RAB31: variants seen among roughly 807,000 people sequenced by gnomAD.
The protein encoded by RAB31 is RAB31, member RAS oncogene family, also known as ras-related protein Rab-31.
A neutral mutation model predicts 25.6 loss-of-function variants in RAB31; 21 were observed. The ratio of observed to expected loss-of-function variants is 0.82; its 90% confidence interval spans 0.58 to 1.18. RAB31 has a LOEUF of 1.18. RAB31 is among the 50% of genes most tolerant of loss of function. The pLI, the probability that RAB31 is intolerant of heterozygous loss-of-function variation, is 0.00. For synonymous variants in RAB31, 87 were observed against 84.0 expected (o/e 1.04, Z -0.20); for missense variants, 196 against 250.1 (o/e 0.78, Z 1.46).
chr18:9,855,022 C>T (rs1163182744), intron 6 of RAB31, among the ~76,000 whole-genome samples: 5 of 152,148 alleles, frequency 3.3e-5, no homozygotes, highest in Admixed American at 3.3e-4. Flanking sequence ...GAATGGTTAG[C>T]GGGAGAATCA....
chr18:9,802,897 C>T (rs891175314), intron 3 of RAB31, among the ~76,000 whole-genome samples: 2 of 152,210 alleles, frequency 1.3e-5, no homozygotes, highest in East Asian at 1.9e-4. Flanking sequence ...AGGGCCCCAA[C>T]ATCTATGGTC....
chr18:9,812,761 A>G (rs1406712313), intron 3 of RAB31, among the ~76,000 whole-genome samples: 1 of 135,844 alleles, frequency 7.4e-6, no homozygotes, highest in Non-Finnish European at 1.5e-5. Flanking sequence ...GCAGTTTTGC[A>G]ATCTTAGCTC....
At chr18:9,745,755 A>G (rs1012423869) in intron 1 of RAB31, among the ~76,000 whole-genome samples, 1 of 152,238 alleles carries the variant, frequency 6.6e-6, no homozygotes, top group African/African-American at 2.4e-5. Flanking sequence ...GAAACCACTC[A>G]GGAAACTAGA....
intron 1 of RAB31, among the ~76,000 whole-genome samples, chr18:9,765,516 A>T (rs2068311461): frequency 6.6e-6 from 1 of 152,138 alleles, no homozygotes; most frequent in Non-Finnish European, 1.5e-5. Context: ...ATGGCACCTT[A>T]TTTTTGGTAG....
intron 3 of RAB31, among the ~76,000 whole-genome samples, chr18:9,804,289 G>A (rs902388805): frequency 2.0e-5 from 3 of 152,198 alleles, no homozygotes; most frequent in Non-Finnish European, 4.4e-5. Flanking sequence ...CAGTGACTGC[G>A]CTAGATGAAC....
intron 5 of RAB31, among the ~76,000 whole-genome samples, chr18:9,820,770 A>G (rs965310334): frequency 6.6e-6 from 1 of 152,148 alleles, no homozygotes; most frequent in South Asian, 2.1e-4. Context: ...AATTTTAGAA[A>G]TTTGAAACTT....
At chr18:9,754,441 G>A (rs1016501109) in intron 1 of RAB31, among the ~76,000 whole-genome samples, 6 of 151,828 alleles carry the variant, frequency 4.0e-5, no homozygotes, top group East Asian at 1.9e-4. Flanking sequence ...CACCACACCC[G>A]GCTAATTTTT....
rs558371509 is a variant in RAB31, at chr18:9,802,129, C to A, written c.201+9894C>A. On this transcript the variant is annotated intron_variant, in intron 3 of 6. Transcript: ENST00000578921. Reference sequence around the variant, plus strand: ...AAAATGTGAGTTCTCCAACTTCGTTCTTTTTCAAGATTGTTTTAGCTATTC... The same window carrying A: ...AAAATGTGAGTTCTCCAACTTCGTTATTTTTCAAGATTGTTTTAGCTATTC... Among the ~76,000 whole-genome samples, 91 of 152,272 alleles carry A rather than the reference C, an allele frequency of 6.0e-4. 1 individual carries two copies. Among genetic ancestry groups the A allele is most frequent in the African/African-American group, 2.1e-3 (87 of 41,558 alleles).
intron 2 of RAB31, among the ~76,000 whole-genome samples, chr18:9,776,971 G>A (rs1371455320): frequency 6.6e-6 from 1 of 152,082 alleles, no homozygotes; most frequent in African/African-American, 2.4e-5. Flanking sequence ...ATGCTCATTG[G>A]GATATTTCAG....
intron 1 of RAB31, among the ~76,000 whole-genome samples, chr18:9,711,685 G>A (rs2068018097): frequency 6.6e-6 from 1 of 152,228 alleles, no homozygotes; most frequent in African/African-American, 2.4e-5. Context: ...CTGGCATTCA[G>A]CTTCCTGTTT....
At chr18:9,749,917 A>G (rs1013198513) in intron 1 of RAB31, among the ~76,000 whole-genome samples, 1 of 152,150 alleles carries the variant, frequency 6.6e-6, no homozygotes, top group Non-Finnish European at 1.5e-5. Context: ...CCCAGCATGA[A>G]AGCAGGGACA....
intron 1 of RAB31, among the ~76,000 whole-genome samples, chr18:9,744,155 A>G (rs921837): frequency 0.19 from 29,359 of 152,256 alleles, 3,101 homozygotes; most frequent in Non-Finnish European, 0.24. Context: ...AGCAGAAAAC[A>G]TTACTGAGTA....
intron 5 of RAB31, among the ~76,000 whole-genome samples, chr18:9,839,509 C>T (rs372594106): frequency 1.6e-4 from 24 of 152,126 alleles, no homozygotes; most frequent in South Asian, 6.2e-4. Flanking sequence ...CTGTGAGAAG[C>T]GAAGAGGGGG....
chr18:9,728,295 T>A (rs2068105050), intron 1 of RAB31, among the ~76,000 whole-genome samples: 1 of 152,204 alleles, frequency 6.6e-6, no homozygotes, highest in Non-Finnish European at 1.5e-5. Context: ...TAGTTTTCAT[T>A]TTTTGGCTTT....
chr18:9,786,535 G>C (rs1172566841), intron 2 of RAB31, among the ~76,000 whole-genome samples: 1 of 152,224 alleles, frequency 6.6e-6, no homozygotes, highest in African/African-American at 2.4e-5. Context: ...CTTGGGTACT[G>C]AGCCCTCAAC....
chr18:9,829,010 G>C (rs2068664032), intron 5 of RAB31, among the ~76,000 whole-genome samples: 1 of 152,186 alleles, frequency 6.6e-6, no homozygotes, highest in South Asian at 2.1e-4. Flanking sequence ...GGAGGAGGGA[G>C]GGAGCTGAAG....
At chr18:9,768,335 T>C (rs1395572115) in intron 1 of RAB31, among the ~76,000 whole-genome samples, 1 of 152,246 alleles carries the variant, frequency 6.6e-6, no homozygotes, top group Non-Finnish European at 1.5e-5. Flanking sequence ...AAAGCATTCC[T>C]ATTTCTCCAC....
chr18:9,733,308 T>G (rs565269319), intron 1 of RAB31, among the ~76,000 whole-genome samples: 26 of 151,996 alleles, frequency 1.7e-4, no homozygotes, highest in Admixed American at 1.7e-3. Context: ...TGTGAGGGAG[T>G]CACTCCTCCC....
At chr18:9,729,633 T>C (rs1202897020) in intron 1 of RAB31, among the ~76,000 whole-genome samples, 5 of 152,146 alleles carry the variant, frequency 3.3e-5, no homozygotes, top group Non-Finnish European at 7.4e-5. Context: ...AAGAACCAGC[T>C]AGGGATTTAG....
Sources: gnomAD v4.1 joint callset for allele counts (sites outside exome capture counted in the v4.1 genomes callset) on GRCh38, gnomAD v4.1.1 for gene constraint, MANE v1.5 for transcripts, NCBI Gene and HGNC (gene_info 2026-07-23, HGNC 2026-07-21) for gene names.